TCF4: variants seen among roughly 807,000 people sequenced by gnomAD.
TCF4 encodes the protein transcription factor 4.
In TCF4, 3 loss-of-function variants were observed where a neutral mutation model predicts 82.1. That is an observed-to-expected ratio of 0.04 (90% confidence interval 0.02 to 0.09). The LOEUF (loss-of-function observed/expected upper bound fraction) is 0.09, where lower values mean the gene tolerates loss of function less well. TCF4 is among the 10% of genes least tolerant of loss of function. The pLI is 1.00. For missense variants in TCF4, 518 were observed against 852.7 expected (o/e 0.61, Z 4.89); for synonymous variants, 276 against 309.6 (o/e 0.89, Z 1.14).
intron 2 of TCF4, among the ~76,000 whole-genome samples, chr18:55,594,484 A>G (rs1453525144): frequency 1.3e-5 from 2 of 152,314 alleles, no homozygotes; most frequent in Non-Finnish European, 1.5e-5. Context: ...TGTTAAATAA[A>G]TGAATGAAGA....
chr18:55,388,759 T>G (rs1382956837), intron 6 of TCF4, among the ~76,000 whole-genome samples: 1 of 152,180 alleles, frequency 6.6e-6, no homozygotes, highest in Admixed American at 6.5e-5. Context: ...CCCAGTCCCA[T>G]CTCTGCCTTC....
chr18:55,604,767 G>C (rs1283204184), intron 2 of TCF4, among the ~76,000 whole-genome samples: 1 of 152,164 alleles, frequency 6.6e-6, no homozygotes, highest in Non-Finnish European at 1.5e-5. Context: ...GGAGTTATAA[G>C]AAGGTTGGTG....
chr18:55,303,590 G>C (rs991133913), intron 8 of TCF4, among the ~76,000 whole-genome samples: 1 of 152,062 alleles, frequency 6.6e-6, no homozygotes. Context: ...AGGTATCATG[G>C]ATTCTGTAAT....
chr18:55,629,625 G>C (rs1439700273), intron 2 of TCF4, among the ~76,000 whole-genome samples: 1 of 152,178 alleles, frequency 6.6e-6, no homozygotes, highest in Admixed American at 6.5e-5. Flanking sequence ...TATAAAACTG[G>C]ATGATTCTAA....
intron 8 of TCF4, chr18:55,322,443 A>AC (rs917266766): frequency 1.9e-5 from 19 of 1,008,644 alleles, no homozygotes; most frequent in Non-Finnish European, 2.3e-5. Context: ...AAAAAAAAAA[A>AC]AAAAAAACAC....
chr18:55,510,453 G>A, intron 3 of TCF4: 1 of 638,484 alleles, frequency 1.6e-6, no homozygotes, highest in Non-Finnish European at 2.4e-6. Flanking sequence ...TTTCAACCTA[G>A]AAGCCTTTGT....
At chr18:55,328,410 C>T (rs971215327) in intron 8 of TCF4, among the ~76,000 whole-genome samples, 6 of 151,802 alleles carry the variant, frequency 4.0e-5, no homozygotes, top group African/African-American at 1.5e-4. Context: ...AACCCTTATC[C>T]TAACCCAGTG....
chr18:55,474,832 T>C (rs533895133), intron 3 of TCF4, among the ~76,000 whole-genome samples: 1 of 152,290 alleles, frequency 6.6e-6, no homozygotes, highest in Admixed American at 6.5e-5. Flanking sequence ...TGGAGTCCAG[T>C]GGCACAAACA....
At chr18:55,528,725 T>C (rs1285363653) in intron 3 of TCF4, among the ~76,000 whole-genome samples, 3 of 152,246 alleles carry the variant, frequency 2.0e-5, no homozygotes, top group Non-Finnish European at 4.4e-5. Flanking sequence ...AAGGAATTTA[T>C]GTCTCTTCAT....
In TCF4 at chr18:55,227,740, C is replaced by T. The variant is rs1181653084; in HGVS notation, c.*295G>A. 6.4e-6 allele frequency: 1 copy of T among 155,200 alleles called. No homozygotes were observed. The highest frequency in any genetic ancestry group is 1.9e-4 in the East Asian group (1 of 5,298). 9.6% of individuals were successfully genotyped at this position (155,200 alleles called of 1,614,324 possible). A position where few individuals can be genotyped will look rare whatever the true frequency, so the allele number is the denominator to read the frequency against. On this transcript the variant is annotated 3_prime_UTR_variant, in exon 20 of 20. Transcript: ENST00000354452. The stretch of plus-strand genomic sequence containing the variant: ...TTGTTCCACAGTGTGGAAAGATTGC[C>T]GTTCAGTCTCTGGGCTGTGTCTCAG...
chr18:55,292,787 T>C (rs1233314895), intron 8 of TCF4, among the ~76,000 whole-genome samples: 1 of 151,888 alleles, frequency 6.6e-6, no homozygotes, highest in African/African-American at 2.4e-5. Context: ...TGTACATATA[T>C]GTATATACAC....
At chr18:55,417,538 A>G (rs1024372568) in intron 5 of TCF4, among the ~76,000 whole-genome samples, 1 of 152,220 alleles carries the variant, frequency 6.6e-6, no homozygotes, top group Non-Finnish European at 1.5e-5. Flanking sequence ...TTTACTTATT[A>G]TCTATCAAAT....
chr18:55,450,205 T>C (rs2095598498), intron 5 of TCF4, among the ~76,000 whole-genome samples: 1 of 152,182 alleles, frequency 6.6e-6, no homozygotes. Context: ...ACTTCCCCCA[T>C]GTTAGTTCTC....
At chr18:55,338,553 C>T (rs934857980) in intron 8 of TCF4, among the ~76,000 whole-genome samples, 1 of 152,190 alleles carries the variant, frequency 6.6e-6, no homozygotes, top group East Asian at 1.9e-4. Context: ...GAGTCATTTT[C>T]TTATATAATT....
intron 2 of TCF4, among the ~76,000 whole-genome samples, chr18:55,603,065 T>C (rs2097698827): frequency 6.6e-6 from 1 of 152,192 alleles, no homozygotes; most frequent in African/African-American, 2.4e-5. Context: ...GTAATATACC[T>C]GGGTTCAGAT....
intron 6 of TCF4, among the ~76,000 whole-genome samples, chr18:55,364,594 T>C (rs2086341496): frequency 6.6e-6 from 1 of 152,212 alleles, no homozygotes; most frequent in Non-Finnish European, 1.5e-5. Context: ...GAATGAAGAT[T>C]ATCTTCATTT....
intron 3 of TCF4, among the ~76,000 whole-genome samples, chr18:55,557,152 G>A (rs1176023955): frequency 1.3e-5 from 2 of 152,140 alleles, no homozygotes; most frequent in African/African-American, 4.8e-5. Context: ...ATGAAGTATG[G>A]CATCAGTTGG....
chr18:55,265,569 T>C (rs576510020), intron 11 of TCF4: 1 of 152,324 alleles, frequency 6.6e-6, no homozygotes, highest in South Asian at 2.1e-4. Flanking sequence ...GTAACTAAGA[T>C]GCCTTCACAT....
At chr18:55,384,438 C>A (rs1369806871) in intron 6 of TCF4, among the ~76,000 whole-genome samples, 1 of 152,204 alleles carries the variant, frequency 6.6e-6, no homozygotes, top group Non-Finnish European at 1.5e-5. Context: ...TCCCTACCCC[C>A]AGTGTCATCA....
Sources: gnomAD v4.1 joint callset for allele counts (sites outside exome capture counted in the v4.1 genomes callset) on GRCh38, gnomAD v4.1.1 for gene constraint, MANE v1.5 for transcripts, NCBI Gene and HGNC (gene_info 2026-07-23, HGNC 2026-07-21) for gene names.